The following LRRC7 variants were observed in gnomAD, a reference collection of about 807,000 sequenced individuals.
The protein encoded by LRRC7 is leucine-rich repeat-containing protein 7.
In LRRC7, 23 loss-of-function variants were observed where a neutral mutation model predicts 175.7. The ratio of observed to expected loss-of-function variants is 0.13; its 90% CI spans 0.09 to 0.19. The LOEUF (loss-of-function observed/expected upper bound fraction) is 0.19, where lower values mean the gene tolerates loss of function less well. Among genes scored for constraint, LRRC7 ranks in the 10% least tolerant of loss-of-function variants. The probability of loss-of-function intolerance (pLI) is 1.00; values close to 1 mark genes in which losing one functional copy is unlikely to be tolerated. For synonymous variants in LRRC7, 685 were observed against 680.9 expected (o/e 1.01, Z -0.09); for missense variants, 1,354 against 1,904.7 (o/e 0.71, Z 5.38).
intron 7 of LRRC7, among the ~76,000 whole-genome samples, chr1:69,854,547 T>C (rs552082592): frequency 6.6e-6 from 1 of 152,212 alleles, no homozygotes; most frequent in South Asian, 2.1e-4. Flanking sequence ...AATTTTTTGG[T>C]AATGATAAAC....
intron 3 of LRRC7, among the ~76,000 whole-genome samples, chr1:69,765,114 G>C (rs906651989): frequency 5.9e-5 from 9 of 151,988 alleles, no homozygotes; most frequent in Non-Finnish European, 1.2e-4. Context: ...TACTTCCCCA[G>C]AGAATTTTCT....
At chr1:69,943,864 CT>C (rs1171336029) in intron 8 of LRRC7, among the ~76,000 whole-genome samples, 9 of 150,454 alleles carry the variant, frequency 6.0e-5, no homozygotes, top group Non-Finnish European at 1.3e-4. Context: ...ACCTAAGCAA[CT>C]TAAAAAATGA....
At chr1:69,800,324 G>T (rs1676320883) in intron 4 of LRRC7, among the ~76,000 whole-genome samples, 1 of 151,936 alleles carries the variant, frequency 6.6e-6, no homozygotes. Flanking sequence ...TCTATAGATT[G>T]CTTTGGTCAG....
At chr1:69,828,896 T>G (rs1440542768) in intron 5 of LRRC7, among the ~76,000 whole-genome samples, 1 of 151,932 alleles carries the variant, frequency 6.6e-6, no homozygotes, top group Non-Finnish European at 1.5e-5. Flanking sequence ...TAATATGTTT[T>G]CATCAAACTT....
intron 2 of LRRC7, among the ~76,000 whole-genome samples, chr1:69,733,274 G>A (rs1667776568): frequency 6.6e-6 from 1 of 151,976 alleles, no homozygotes; most frequent in South Asian, 2.1e-4. Flanking sequence ...GATACTTGAT[G>A]TTCCCTGTTA....
rs1426321017 is a variant in LRRC7 at position 69,883,884 on chromosome 1, T to A, written c.647+45601T>A. Among the ~76,000 whole-genome samples the A allele has an allele frequency of 1.6e-4, 15 of 92,292 alleles. 2 individuals are homozygous for A. The East Asian group carries it at 5.1e-3, about 31-fold the overall frequency. 60.5% of individuals were successfully genotyped at this position (92,292 alleles called of 152,430 possible). A position where few individuals can be genotyped will look rare whatever the true frequency, so the allele number is the denominator to read the frequency against. On this transcript the variant is annotated intron_variant, in intron 7 of 26. Transcript: ENST00000651989. Reference sequence around the variant, plus strand: ...TATTAAATAGGGAATCCTTTCCCCATTGCTTGTTTTTCTCAGGTTTGTCAA... The same window carrying A: ...TATTAAATAGGGAATCCTTTCCCCAATGCTTGTTTTTCTCAGGTTTGTCAA...
chr1:69,603,197 C>A (rs961961958), intron 1 of LRRC7, among the ~76,000 whole-genome samples: 2 of 152,122 alleles, frequency 1.3e-5, no homozygotes, highest in Non-Finnish European at 2.9e-5. Context: ...CCAGCATGAT[C>A]TCATCCCAAG....
intron 7 of LRRC7, among the ~76,000 whole-genome samples, chr1:69,887,884 G>A (rs1179386953): frequency 7.5e-5 from 11 of 147,126 alleles, no homozygotes; most frequent in East Asian, 2.0e-4. Flanking sequence ...GCTGTGTGAG[G>A]TGTCAGTGTG....
At chr1:69,897,284 C>T (rs1384142944) in intron 7 of LRRC7, among the ~76,000 whole-genome samples, 3 of 152,126 alleles carry the variant, frequency 2.0e-5, no homozygotes, top group Admixed American at 6.6e-5. Context: ...TATGCTATAT[C>T]ATATCATTAT....
rs1667084419 is a variant in LRRC7, at chr1:70,142,094, A to AAAC, written c.*20208_*20210dup. 1 of 152,164 alleles carries AAAC rather than the reference A, an allele frequency of 6.6e-6. No homozygotes were observed. The highest frequency in any genetic ancestry group is 2.4e-5 in the African/African-American group (1 of 41,450). The allele number at this position is 152,164 out of a possible 1,614,324, so 9.4% of individuals were successfully genotyped here. A position where few individuals can be genotyped will look rare whatever the true frequency, so the allele number is the denominator to read the frequency against. On this transcript the variant is annotated 3_prime_UTR_variant, in exon 27 of 27. Transcript: ENST00000651989. ...GACGGTCCATAGGAAAAGCAAGATG[A>AAAC]AACTCTCAGGCAGACAACATAAAGC... is the stretch of plus-strand genomic sequence containing the variant.
intron 11 of LRRC7, among the ~76,000 whole-genome samples, chr1:69,996,327 C>A (rs532248461): frequency 6.6e-6 from 1 of 152,012 alleles, no homozygotes; most frequent in Non-Finnish European, 1.5e-5. Context: ...GAGTAGGTTG[C>A]GAAAATTTTC....
chr1:69,671,772 G>T (rs1417993464), intron 1 of LRRC7, among the ~76,000 whole-genome samples: 1 of 152,120 alleles, frequency 6.6e-6, no homozygotes, highest in Non-Finnish European at 1.5e-5. Context: ...TATGCTTTCT[G>T]CTATGACAGG....
intron 26 of LRRC7, among the ~76,000 whole-genome samples, chr1:70,117,768 T>G (rs1665955618): frequency 6.6e-6 from 1 of 152,168 alleles, no homozygotes; most frequent in Admixed American, 6.5e-5. Context: ...GCCATTTATT[T>G]CTCATTTTTC....
At chr1:69,929,846 C>T (rs964799981) in intron 7 of LRRC7, among the ~76,000 whole-genome samples, 1 of 152,186 alleles carries the variant, frequency 6.6e-6, no homozygotes. Context: ...TGTAAGATCG[C>T]ATATTATGCA....
At position 70,106,470 on chromosome 1, in the gene LRRC7, T is replaced by C. The variant is rs940705234; in HGVS notation, c.4546-1282T>C. ...TCTTCTATGTTGTAGCATGTTTCCATACTTTATTCCATTCTATTGCCAAAT... is the reference window on the plus strand; with the variant it reads ...TCTTCTATGTTGTAGCATGTTTCCACACTTTATTCCATTCTATTGCCAAAT... On this transcript the variant is annotated intron_variant, in intron 25 of 26. Transcript: ENST00000651989. Among the ~76,000 whole-genome samples the C allele has an allele frequency of 3.9e-5, 6 of 152,344 alleles. 1 individual carries two copies. The South Asian group carries it at 1.2e-3, about 32-fold the overall frequency.
At chr1:70,112,182 A>G (rs1665570216) in intron 26 of LRRC7, among the ~76,000 whole-genome samples, 1 of 152,228 alleles carries the variant, frequency 6.6e-6, no homozygotes, top group South Asian at 2.1e-4. Flanking sequence ...ACTGTCAACA[A>G]TAAGTCTATC....
At chr1:69,776,140 T>C (rs918739149) in intron 3 of LRRC7, among the ~76,000 whole-genome samples, 3 of 152,146 alleles carry the variant, frequency 2.0e-5, no homozygotes, top group African/African-American at 4.8e-5. Flanking sequence ...TTCTCTCCTA[T>C]GTAAACTGGA....
chr1:69,831,997 C>G (rs1680577809), intron 5 of LRRC7, among the ~76,000 whole-genome samples: 1 of 152,056 alleles, frequency 6.6e-6, no homozygotes, highest in Non-Finnish European at 1.5e-5. Flanking sequence ...GGACTTATTA[C>G]TAAGAATGTA....
intron 1 of LRRC7, among the ~76,000 whole-genome samples, chr1:69,665,854 A>G (rs227121): frequency 0.76 from 115,266 of 151,906 alleles, 44,451 homozygotes; most frequent in African/African-American, 0.89. Context: ...GAAATTCCAG[A>G]ACTATGTTGA....
Sources: gnomAD v4.1 joint callset for allele counts (sites outside exome capture counted in the v4.1 genomes callset) on GRCh38, gnomAD v4.1.1 for gene constraint, MANE v1.5 for transcripts, NCBI Gene and HGNC (gene_info 2026-07-23, HGNC 2026-07-21) for gene names.